Variants in FABP12 observed in about 807,000 individuals in gnomAD.
The protein encoded by FABP12 is fatty acid binding protein 12.
A neutral mutation model predicts 13.7 loss-of-function variants in FABP12; 19 were observed. The ratio of observed to expected loss-of-function variants is 1.39; its 90% CI spans 0.97 to 2.04. The LOEUF (loss-of-function observed/expected upper bound fraction) is 2.04. FABP12 is among the 30% of genes most tolerant of loss of function. The pLI, the probability that FABP12 is intolerant of heterozygous loss-of-function variation, is 0.00. For missense variants in FABP12, 182 were observed against 164.2 expected (o/e 1.11, Z -0.59); for synonymous variants, 61 against 57.0 (o/e 1.07, Z -0.32).
rs531358641 is a variant in FABP12 at position 81,544,164 on chromosome 8, G to C, written c.-184-4421C>G. Among the ~76,000 whole-genome samples the C allele has an allele frequency of 3.3e-5, 5 of 152,286 alleles. No homozygotes were observed. In the East Asian group the frequency reaches 9.6e-4, roughly 29 times the overall value. ...AACAAATAATGGAGGCAACTGAAAA[G>C]GGAGGAGTTTATTAGATTCCTAGGG... On this transcript the variant is annotated intron_variant, in intron 1 of 5. Transcript: ENST00000692030.
chr8:81,554,970 C>A (rs192661582), intron 1 of FABP12, among the ~76,000 whole-genome samples: 312 of 152,140 alleles, frequency 2.1e-3, no homozygotes, highest in African/African-American at 7.1e-3. Flanking sequence ...GCCTAAATTC[C>A]TCTCACTAGC....
chr8:81,557,703 GTT>G (rs1809643546), intron 1 of FABP12, among the ~76,000 whole-genome samples: 8 of 152,088 alleles, frequency 5.3e-5, no homozygotes, highest in African/African-American at 1.9e-4. Context: ...ACATGTTAAC[GTT>G]TTTTAAAAGT....
At chr8:81,543,197 T>C (rs1371303593) in intron 1 of FABP12, among the ~76,000 whole-genome samples, 1 of 152,214 alleles carries the variant, frequency 6.6e-6, no homozygotes, top group African/African-American at 2.4e-5. Flanking sequence ...TACATGTACT[T>C]ACGAAACTAA....
intron 1 of FABP12, among the ~76,000 whole-genome samples, chr8:81,541,678 C>T (rs1809346324): frequency 6.6e-6 from 1 of 152,100 alleles, no homozygotes; most frequent in Non-Finnish European, 1.5e-5. Flanking sequence ...TTCCCTCTTG[C>T]TGACAGTCAA....
chr8:81,582,768 G>A (rs1231934743), intron 1 of FABP12, among the ~76,000 whole-genome samples: 1 of 152,064 alleles, frequency 6.6e-6, no homozygotes, highest in East Asian at 1.9e-4. Flanking sequence ...TGGGGACTTT[G>A]ATACCCCATT....
intron 1 of FABP12, among the ~76,000 whole-genome samples, chr8:81,582,815 C>A (rs917357815): frequency 6.6e-6 from 1 of 152,020 alleles, no homozygotes; most frequent in Non-Finnish European, 1.5e-5. Context: ...AGAAACTTAA[C>A]AAAGAAATAT....
At chr8:81,539,921 G>A (rs1458200605) in intron 1 of FABP12, among the ~76,000 whole-genome samples, 1 of 152,224 alleles carries the variant, frequency 6.6e-6, no homozygotes, top group Non-Finnish European at 1.5e-5. Flanking sequence ...GCTTTAATCA[G>A]ATTATTGCAG....
At chr8:81,532,714 G>A (rs142180498) in intron 1 of FABP12, among the ~76,000 whole-genome samples, 2,200 of 152,272 alleles carry the variant, frequency 0.014, 63 homozygotes, top group African/African-American at 0.05. Flanking sequence ...CCAGCTACTC[G>A]GGAGGCTGAG....
intron 1 of FABP12, among the ~76,000 whole-genome samples, chr8:81,546,469 T>C (rs1809435471): frequency 4.0e-5 from 6 of 148,214 alleles, no homozygotes; most frequent in South Asian, 2.1e-4. Flanking sequence ...CTGGCTAACA[T>C]GGTGAAACCC....
At chr8:81,568,679 C>T (rs1206528695) in intron 1 of FABP12, among the ~76,000 whole-genome samples, 1 of 152,192 alleles carries the variant, frequency 6.6e-6, no homozygotes, top group Non-Finnish European at 1.5e-5. Context: ...TCTACACTCC[C>T]ATGTTTATTG....
At position 81,567,820 on chromosome 8, in the gene FABP12, G is replaced by A. The variant is rs1225483651; in HGVS notation, c.-185+22233C>T. Among the ~76,000 whole-genome samples, 5 of 152,122 alleles carry A rather than the reference G, an allele frequency of 3.3e-5. No individual in the cohort carries two copies. The East Asian group carries it at 5.8e-4, about 18-fold the overall frequency. The stretch of plus-strand genomic sequence containing the variant: ...AGAAGTGGATAAATGGAATCACATC[G>A]AGTTAAAAAGTTTCCACACGGCCGG... On this transcript the variant is annotated intron_variant, in intron 1 of 5. Transcript: ENST00000692030.
In FABP12 at chr8:81,555,625, G is replaced by A. The variant is rs1430460225; in HGVS notation, c.-184-15882C>T. Among the ~76,000 whole-genome samples the A allele has an allele frequency of 2.6e-5, 4 of 152,160 alleles. No homozygotes were observed. The South Asian group carries it at 8.3e-4, about 32-fold the overall frequency. The stretch of plus-strand genomic sequence containing the variant: ...TAAAGTCTTGGATATGTTAGAAAAT[G>A]TATCGCAATTTTAAAATCAGTATTC... On this transcript the variant is annotated intron_variant, in intron 1 of 5. Coordinates refer to the FABP12 transcript ENST00000692030.
chr8:81,564,490 G>T (rs527547893), intron 1 of FABP12, among the ~76,000 whole-genome samples: 152 of 152,088 alleles, frequency 1.0e-3, no homozygotes, highest in African/African-American at 3.6e-3. Flanking sequence ...TTTCAAGATA[G>T]AGACAATACA....
chr8:81,555,227 A>G (rs868146268), intron 1 of FABP12, among the ~76,000 whole-genome samples: 10 of 152,198 alleles, frequency 6.6e-5, no homozygotes, highest in African/African-American at 2.4e-4. Context: ...TAGTCAAAAT[A>G]TATTTGACTA....
intron 1 of FABP12, among the ~76,000 whole-genome samples, chr8:81,551,216 G>A (rs1809517393): frequency 6.6e-6 from 1 of 152,050 alleles, no homozygotes; most frequent in Non-Finnish European, 1.5e-5. Flanking sequence ...CATGTTGATG[G>A]GTTTGATTTA....
At chr8:81,578,296 C>T (rs190729706) in intron 1 of FABP12, among the ~76,000 whole-genome samples, 3 of 152,150 alleles carry the variant, frequency 2.0e-5, no homozygotes, top group Non-Finnish European at 2.9e-5. Flanking sequence ...CGACAAGTAG[C>T]AATTGAGCAT....
At position 81,540,895 on chromosome 8, in the gene FABP12, C is replaced by T. The variant is rs546875906; in HGVS notation, c.-184-1152G>A. On this transcript the variant is annotated intron_variant, in intron 1 of 5. Transcript: ENST00000692030. The stretch of plus-strand genomic sequence containing the variant: ...TTTAAAAACAAATCAAGGCCAGGCA[C>T]GGTGGCTCACACCTGTAATCCCAGC... 3.4e-4 allele frequency among the ~76,000 whole-genome samples: 52 copies of T among 152,156 alleles called. No homozygotes were observed. In the South Asian group the frequency reaches 0.011, roughly 31 times the overall value.
chr8:81,587,432 G>A (rs1344404928), intron 1 of FABP12, among the ~76,000 whole-genome samples: 5 of 152,036 alleles, frequency 3.3e-5, no homozygotes, highest in Non-Finnish European at 7.4e-5. Context: ...AGCATGGAAC[G>A]TTTTTCCATT....
Position 81,546,538 on chromosome 8 carries a change from C to CTA in FABP12, c.-184-6797_-184-6796dup, listed in dbSNP as rs1809437052. ...AGTAGCTGGGTGTGGTGGCGGGCGC[C>CTA]TATAGTTCCAGCTACTCGGAAGGCT... On this transcript the variant is annotated intron_variant, in intron 1 of 5. Coordinates refer to the FABP12 transcript ENST00000692030. 1.3e-5 allele frequency among the ~76,000 whole-genome samples: 2 copies of CTA among 151,542 alleles called. 1 individual carries two copies. The highest frequency in any genetic ancestry group is 4.2e-4 in the South Asian group (2 of 4,784).
Sources: gnomAD v4.1 joint callset for allele counts (sites outside exome capture counted in the v4.1 genomes callset) on GRCh38, gnomAD v4.1.1 for gene constraint, MANE v1.5 for transcripts, NCBI Gene and HGNC (gene_info 2026-07-23, HGNC 2026-07-21) for gene names.